The following GALNTL6 variants were observed in gnomAD, a reference collection of about 807,000 sequenced individuals.
The protein encoded by GALNTL6 is polypeptide N-acetylgalactosaminyltransferase-like 6.
A neutral mutation model predicts 73.7 loss-of-function variants in GALNTL6; 46 were observed. That is an observed-to-expected ratio of 0.62 (90% CI 0.49 to 0.80). The LOEUF (loss-of-function observed/expected upper bound fraction) is 0.80. Ranked by LOEUF, GALNTL6 falls within the 30% of genes least tolerant of loss-of-function variation. GALNTL6 has a pLI of 0.00. For missense variants in GALNTL6, 604 were observed against 755.0 expected, an observed-to-expected ratio of 0.80 and a Z score of 2.34; for synonymous variants, 259 against 263.7, an observed-to-expected ratio of 0.98 and a Z score of 0.17.
intron 5 of GALNTL6, among the ~76,000 whole-genome samples, chr4:172,774,874 T>G (rs1738983035): frequency 6.6e-6 from 1 of 151,808 alleles, no homozygotes; most frequent in South Asian, 2.1e-4. Flanking sequence ...GCAGGAGAAT[T>G]GCTTGAAACC....
chr4:171,853,865 G>A (rs940824240), intron 2 of GALNTL6, among the ~76,000 whole-genome samples: 5 of 151,840 alleles, frequency 3.3e-5, no homozygotes, highest in African/African-American at 1.2e-4. Flanking sequence ...ACCCACATCG[G>A]CCTCCAAAAG....
intron 4 of GALNTL6, among the ~76,000 whole-genome samples, chr4:172,334,950 C>T (rs1201460900): frequency 6.6e-6 from 1 of 151,116 alleles, no homozygotes; most frequent in Non-Finnish European, 1.5e-5. Flanking sequence ...TTTATCAAAA[C>T]CTTTTTCTTT....
intron 2 of GALNTL6, among the ~76,000 whole-genome samples, chr4:171,921,828 C>T (rs1041310631): frequency 4.1e-4 from 63 of 151,930 alleles, no homozygotes; most frequent in African/African-American, 1.5e-3. Context: ...TAAAAAAAGT[C>T]CTGCTGGTTT....
At chr4:172,897,926 T>A (rs754892975) in intron 8 of GALNTL6, among the ~76,000 whole-genome samples, 4 of 152,208 alleles carry the variant, frequency 2.6e-5, no homozygotes, top group Non-Finnish European at 5.9e-5. Flanking sequence ...CAAAAAGAAA[T>A]AATTCAAGCT....
intron 5 of GALNTL6, among the ~76,000 whole-genome samples, chr4:172,455,351 G>A (rs554984506): frequency 6.6e-6 from 1 of 152,230 alleles, no homozygotes; most frequent in East Asian, 1.9e-4. Flanking sequence ...GAACACCAGC[G>A]AGACAGAACC....
At chr4:172,305,763 C>G (rs1326396454) in intron 3 of GALNTL6, among the ~76,000 whole-genome samples, 2 of 152,076 alleles carry the variant, frequency 1.3e-5, no homozygotes, top group Non-Finnish European at 2.9e-5. Context: ...CATTTTAAAT[C>G]CTATTCTCAC....
chr4:172,640,066 C>T (rs547047925), intron 5 of GALNTL6, among the ~76,000 whole-genome samples: 2 of 152,202 alleles, frequency 1.3e-5, no homozygotes, highest in African/African-American at 2.4e-5. Context: ...TGGTTACTGT[C>T]CCCAATTCCT....
chr4:172,052,024 C>G (rs1348560906), intron 2 of GALNTL6, among the ~76,000 whole-genome samples: 1 of 152,140 alleles, frequency 6.6e-6, no homozygotes, highest in Admixed American at 6.5e-5. Context: ...CCTGACTCCT[C>G]TGCAGCCTTC....
chr4:172,620,407 GA>G (rs1738908697), intron 5 of GALNTL6, among the ~76,000 whole-genome samples: 1 of 152,104 alleles, frequency 6.6e-6, no homozygotes, highest in Middle Eastern at 3.2e-3. Context: ...AGCACTCATA[GA>G]AAAATTTTTA....
chr4:172,327,871 G>C (rs1561027927), intron 4 of GALNTL6, among the ~76,000 whole-genome samples: 1 of 151,798 alleles, frequency 6.6e-6, no homozygotes, highest in Non-Finnish European at 1.5e-5. Flanking sequence ...CTTTTTAAAT[G>C]GGGGCCCATT....
intron 2 of GALNTL6, among the ~76,000 whole-genome samples, chr4:172,149,556 T>C (rs1306698243): frequency 6.6e-6 from 1 of 152,158 alleles, no homozygotes; most frequent in African/African-American, 2.4e-5. Flanking sequence ...CTCCTGCTTA[T>C]CTCTGGGCCT....
chr4:172,145,259 C>T (rs1038776156), intron 2 of GALNTL6, among the ~76,000 whole-genome samples: 66 of 152,198 alleles, frequency 4.3e-4, no homozygotes, highest in African/African-American at 1.5e-3. Context: ...CCTGCCTCAG[C>T]CTCCCAGGTA....
intron 10 of GALNTL6, among the ~76,000 whole-genome samples, chr4:172,952,503 GTTTGTT>G (rs896956307): frequency 8.6e-5 from 13 of 150,974 alleles, no homozygotes; most frequent in East Asian, 3.9e-4. Context: ...ATTTTTGTTT[GTTTGTT>G]TTTGTTTTTG....
intron 2 of GALNTL6, among the ~76,000 whole-genome samples, chr4:171,838,154 GCT>G (rs144380331): frequency 0.013 from 1,897 of 150,196 alleles, 38 homozygotes; most frequent in African/African-American, 0.044. Context: ...ACAGAGTTTC[GCT>G]CTTTTTGCCC....
intron 12 of GALNTL6, among the ~76,000 whole-genome samples, chr4:173,025,536 T>C (rs1353337522): frequency 6.6e-6 from 1 of 152,192 alleles, no homozygotes; most frequent in Non-Finnish European, 1.5e-5. Flanking sequence ...GTTATTGCAA[T>C]GGCTTCCTAA....
At chr4:172,492,824 A>G (rs1733943757) in intron 5 of GALNTL6, among the ~76,000 whole-genome samples, 1 of 152,164 alleles carries the variant, frequency 6.6e-6, no homozygotes, top group South Asian at 2.1e-4. Flanking sequence ...TTTTAATCTT[A>G]TTTATTAAAT....
intron 9 of GALNTL6, among the ~76,000 whole-genome samples, chr4:172,944,739 G>A (rs1189100002): frequency 6.6e-6 from 1 of 152,180 alleles, no homozygotes; most frequent in Non-Finnish European, 1.5e-5. Context: ...GAAACAAATT[G>A]TAGTTTTTTC....
intron 5 of GALNTL6, among the ~76,000 whole-genome samples, chr4:172,707,072 C>G (rs529003297): frequency 6.6e-6 from 1 of 152,152 alleles, no homozygotes; most frequent in African/African-American, 2.4e-5. Flanking sequence ...TAGAAACCAT[C>G]AGTCCACGGG....
chr4:172,926,945 A>T (rs1013408308), intron 8 of GALNTL6, among the ~76,000 whole-genome samples: 3 of 152,230 alleles, frequency 2.0e-5, no homozygotes, highest in Admixed American at 6.5e-5. Context: ...GTGGAACAAC[A>T]TCTATAATAA....
Sources: gnomAD v4.1 joint callset for allele counts (sites outside exome capture counted in the v4.1 genomes callset) on GRCh38, gnomAD v4.1.1 for gene constraint, MANE v1.5 for transcripts, NCBI Gene and HGNC (gene_info 2026-07-23, HGNC 2026-07-21) for gene names.